CLSTN2: variants seen among roughly 807,000 people sequenced by gnomAD.
CLSTN2 encodes calsyntenin-2.
CLSTN2 carries 48 observed loss-of-function variants against 101.2 expected under a neutral mutation model. The ratio of observed to expected loss-of-function variants is 0.47; its 90% confidence interval spans 0.38 to 0.60. CLSTN2 has a LOEUF of 0.60. CLSTN2 is among the 20% of genes least tolerant of loss of function. The pLI is 0.00. For missense variants in CLSTN2, 1,160 were observed against 1,238.2 expected (o/e 0.94, Z 0.95); for synonymous variants, 481 against 463.6 (o/e 1.04, Z -0.48).
chr3:140,013,265 T>G (rs1258752229), intron 1 of CLSTN2, among the ~76,000 whole-genome samples: 1 of 152,204 alleles, frequency 6.6e-6, no homozygotes, highest in Non-Finnish European at 1.5e-5. Flanking sequence ...ATGAATCTAA[T>G]TGTGAGTGAG....
chr3:140,455,202 C>T (rs1410402078), intron 6 of CLSTN2, among the ~76,000 whole-genome samples: 3 of 152,140 alleles, frequency 2.0e-5, no homozygotes, highest in Admixed American at 2.0e-4. Flanking sequence ...AGGCCTGTGT[C>T]CTTGATTATA....
chr3:140,328,122 A>G (rs2087348398), intron 2 of CLSTN2, among the ~76,000 whole-genome samples: 1 of 152,210 alleles, frequency 6.6e-6, no homozygotes, highest in Non-Finnish European at 1.5e-5. Flanking sequence ...GAAGGGAACT[A>G]TGTATCTTCT....
intron 1 of CLSTN2, among the ~76,000 whole-genome samples, chr3:140,079,440 G>A (rs1231975176): frequency 6.6e-6 from 1 of 152,266 alleles, no homozygotes; most frequent in Non-Finnish European, 1.5e-5. Flanking sequence ...CATGTACTAT[G>A]GACACTGTAG....
chr3:140,096,428 T>C (rs1302115000), intron 1 of CLSTN2, among the ~76,000 whole-genome samples: 2 of 152,244 alleles, frequency 1.3e-5, no homozygotes, highest in Non-Finnish European at 2.9e-5. Context: ...ATAAATGTCA[T>C]CCTTGGAAGG....
intron 2 of CLSTN2, among the ~76,000 whole-genome samples, chr3:140,240,174 C>CTATATATATATATA (rs1226140178): frequency 2.2e-4 from 3 of 13,352 alleles, no homozygotes; most frequent in Non-Finnish European, 7.1e-4. Context: ...CTCTCTCTCT[C>CTATATATATATATA]TATATATATA....
Position 140,554,930 on chromosome 3 carries a change from A to G in CLSTN2, c.1675-1583A>G, listed in dbSNP as rs115442647. On this transcript the variant is annotated intron_variant, in intron 10 of 16. Transcript: ENST00000458420. ...ATAAGAAAGAAAAAAATGGAAATCT[A>G]TATTCACTGATTATATATTTATAAG... Among the ~76,000 whole-genome samples, 658 of 152,360 alleles carry G rather than the reference A, an allele frequency of 4.3e-3. 5 individuals carry two copies. Among genetic ancestry groups the G allele is most frequent in the African/African-American group, 0.015 (623 of 41,588 alleles).
At chr3:140,498,385 A>G (rs1406932878) in intron 8 of CLSTN2, among the ~76,000 whole-genome samples, 1 of 152,106 alleles carries the variant, frequency 6.6e-6, no homozygotes, top group East Asian at 1.9e-4. Context: ...CACCTTTGGG[A>G]AGGCCATCCC....
intron 2 of CLSTN2, among the ~76,000 whole-genome samples, chr3:140,350,788 C>A (rs2087597616): frequency 6.6e-6 from 1 of 152,146 alleles, no homozygotes; most frequent in Admixed American, 6.5e-5. Flanking sequence ...CCTGGGGCCC[C>A]TAATGGTTCT....
In CLSTN2 at chr3:140,499,381, T is replaced by C. The variant is rs79186252; in HGVS notation, c.1344+32650T>C. Among the ~76,000 whole-genome samples, 1,014 of 152,350 alleles carry C rather than the reference T, an allele frequency of 6.7e-3. 20 individuals are homozygous for C. Among genetic ancestry groups the C allele is most frequent in the East Asian group, 0.056 (292 of 5,176 alleles). On this transcript the variant is annotated intron_variant, in intron 8 of 16. Coordinates refer to ENST00000458420, the MANE Select transcript of CLSTN2 (RefSeq NM_022131.3). Reference sequence around the variant, plus strand: ...CAGCAGCAAAGCAGACTTGAATTACTTACTGTCTTCAAGGACCCCAATGTG... The same window carrying C: ...CAGCAGCAAAGCAGACTTGAATTACCTACTGTCTTCAAGGACCCCAATGTG...
At chr3:140,411,799 A>G (rs888938082) in intron 4 of CLSTN2, among the ~76,000 whole-genome samples, 3 of 152,316 alleles carry the variant, frequency 2.0e-5, no homozygotes. Flanking sequence ...CAGCCTTGCC[A>G]TTAGAAATTA....
chr3:140,451,265 T>C (rs972255529), intron 6 of CLSTN2, among the ~76,000 whole-genome samples: 2 of 152,140 alleles, frequency 1.3e-5, no homozygotes, highest in African/African-American at 4.8e-5. Context: ...TGGGGAGATA[T>C]GGAGTGTAAT....
chr3:140,402,860 G>A (rs982822479), intron 2 of CLSTN2, among the ~76,000 whole-genome samples: 4 of 152,154 alleles, frequency 2.6e-5, no homozygotes, highest in Admixed American at 1.3e-4. Context: ...CTAGGCCTCT[G>A]GGCTCTTGGC....
chr3:140,058,258 G>A (rs2008135243), intron 1 of CLSTN2, among the ~76,000 whole-genome samples: 1 of 152,182 alleles, frequency 6.6e-6, no homozygotes, highest in South Asian at 2.1e-4. Context: ...GTAGAGCACT[G>A]AAATTCTGTG....
intron 1 of CLSTN2, among the ~76,000 whole-genome samples, chr3:140,127,031 A>ATATCATGTGTCATTATATG (rs151271833): frequency 0.23 from 35,483 of 151,402 alleles, 4,462 homozygotes; most frequent in East Asian, 0.46. Flanking sequence ...TCATATATAT[A>ATATCATGTGTCATTATATG]TATCATGTGT....
intron 2 of CLSTN2, among the ~76,000 whole-genome samples, chr3:140,249,894 G>A (rs1029292776): frequency 6.6e-6 from 1 of 152,124 alleles, no homozygotes; most frequent in Non-Finnish European, 1.5e-5. Flanking sequence ...TCACTCCGCA[G>A]GGCAACAGCT....
chr3:139,976,893 T>A (rs10935363), intron 1 of CLSTN2, among the ~76,000 whole-genome samples: 16,051 of 152,224 alleles, frequency 0.11, 929 homozygotes, highest in Non-Finnish European at 0.13. Context: ...CAAGCAATTA[T>A]ACTGCCTAGA....
chr3:140,212,121 A>T (rs1398720580), intron 2 of CLSTN2, among the ~76,000 whole-genome samples: 1 of 152,214 alleles, frequency 6.6e-6, no homozygotes, highest in African/African-American at 2.4e-5. Flanking sequence ...CACTGAATCC[A>T]AGGCATGATA....
In CLSTN2 at chr3:140,572,936, C is replaced by G. The variant is rs347974; in HGVS notation, c.*6683C>G. On this transcript the variant is annotated 3_prime_UTR_variant, in exon 17 of 17. Transcript: ENST00000458420. ...CACTGAAGCAGTGGTTTCAAGGAAC[C>G]TTGGTCCTAGTCCGCATCCTTCACC... 0.23 allele frequency: 34,409 copies of G among 152,270 alleles called. 4,919 individuals carry two copies. Among genetic ancestry groups the G allele is most frequent in the East Asian group, 0.72 (3,706 of 5,154 alleles). The allele number at this position is 152,270 out of a possible 1,614,324, so 9.4% of individuals were successfully genotyped here.
intron 5 of CLSTN2, among the ~76,000 whole-genome samples, chr3:140,447,772 G>A (rs1278244185): frequency 1.3e-5 from 2 of 152,034 alleles, no homozygotes; most frequent in Non-Finnish European, 2.9e-5. Flanking sequence ...GGGGTGAGGG[G>A]CACAACACTC....
Sources: gnomAD v4.1 joint callset for allele counts (sites outside exome capture counted in the v4.1 genomes callset) on GRCh38, gnomAD v4.1.1 for gene constraint, MANE v1.5 for transcripts, NCBI Gene and HGNC (gene_info 2026-07-23, HGNC 2026-07-21) for gene names.